TAF2: variants seen among roughly 807,000 people sequenced by gnomAD.
TAF2 encodes transcription initiation factor TFIID subunit 2.
A neutral mutation model predicts 138.5 loss-of-function variants in TAF2; 61 were observed. The observed-to-expected ratio is 0.44, with a 90% CI of 0.36 to 0.54. The LOEUF (loss-of-function observed/expected upper bound fraction) is 0.54. TAF2 is among the 20% of genes least tolerant of loss of function. TAF2 has a pLI of 0.00. For missense variants in TAF2, 1,090 were observed against 1,427.9 expected (o/e 0.76, Z 3.81); for synonymous variants, 475 against 469.9 (o/e 1.01, Z -0.14).
rs184918494 is a variant in TAF2, at chr8:119,799,512, C to T, written c.793-1666G>A. Among the ~76,000 whole-genome samples, 525 of 152,316 alleles carry T rather than the reference C, an allele frequency of 3.4e-3. 2 individuals are homozygous for T. Among genetic ancestry groups the T allele is most frequent in the Middle Eastern group, 0.024 (7 of 294 alleles). ...TCCTTTTTTATGGCTGCATAGTATT[C>T]CATGATGCATATGTGCCACATTTTC... On this transcript the variant is annotated intron_variant, in intron 6 of 25. Transcript: ENST00000378164.
intron 3 of TAF2, among the ~76,000 whole-genome samples, chr8:119,808,224 A>G (rs73705423): frequency 0.014 from 2,063 of 152,330 alleles, 47 homozygotes; most frequent in African/African-American, 0.046. Flanking sequence ...GACAATGAAC[A>G]CTGACATTCC....
chr8:119,783,260 C>T, intron 16 of TAF2, 121 bp downstream of exon 16: 1 of 1,256,256 alleles, frequency 8.0e-7, no homozygotes, highest in Non-Finnish European at 1.1e-6. Context: ...AGCACTTTGG[C>T]AAAAGCTTTC....
Position 119,778,129 on chromosome 8 carries a change from T to A in TAF2, c.2254A>T (p.Thr752Ser). 2.5e-6 allele frequency: 4 copies of A among 1,579,882 alleles called. No homozygotes were observed. Among genetic ancestry groups the A allele is most frequent in the Non-Finnish European group, 3.5e-6 (4 of 1,158,802 alleles). ...MSFQSYFLQKTMPVAMALLRD... is the reference protein window; with the variant it reads ...MSFQSYFLQKSMPVAMALLRD... ...AATAAAGCCATTGCAACTGGCATAG[T>A]CTACAAAAGAAAAAAAAGAACTTTT... Residue 752 changes from threonine (T) to serine (S), a missense_variant and splice_region_variant, in exon 18 of 26, where the codon ACT becomes TCT. By Grantham distance (58) the Thr-to-Ser change is moderately conservative. Transcript: ENST00000378164.
intron 8 of TAF2, 66 bp from the exon 9 acceptor site, chr8:119,795,697 G>T: frequency 4.4e-6 from 6 of 1,371,578 alleles, no homozygotes; most frequent in Non-Finnish European, 5.2e-6. Flanking sequence ...TGTCAAAGAG[G>T]ATAACGGAAT....
At chr8:119,732,252 G>A (rs1485149332) in intron 25 of TAF2, 66 bp from the exon 26 acceptor site, 2 of 1,459,326 alleles carry the variant, frequency 1.4e-6, no homozygotes, top group Non-Finnish European at 1.9e-6. Context: ...TAAAGAAAGA[G>A]GAAGCTGATG....
intron 3 of TAF2, among the ~76,000 whole-genome samples, chr8:119,810,633 A>C (rs1714324753): frequency 6.6e-6 from 1 of 152,182 alleles, no homozygotes. Flanking sequence ...AGTTGCTCCA[A>C]ATCCTTGTCA....
At chr8:119,772,853 C>T (rs1485343081) in intron 18 of TAF2, among the ~76,000 whole-genome samples, 1 of 151,546 alleles carries the variant, frequency 6.6e-6, no homozygotes, top group Non-Finnish European at 1.5e-5. Context: ...AGGAGAATCA[C>T]TTGAACCCAG....
intron 8 of TAF2, 24 bp downstream of exon 8, chr8:119,796,966 A>G: frequency 2.7e-6 from 4 of 1,461,012 alleles, no homozygotes; most frequent in Non-Finnish European, 3.8e-6. Flanking sequence ...TCTTCTCAGT[A>G]GTATGAACTT....
intron 9 of TAF2, among the ~76,000 whole-genome samples, chr8:119,794,746 A>T (rs1039689242): frequency 8.5e-5 from 13 of 152,212 alleles, no homozygotes; most frequent in Non-Finnish European, 1.9e-4. Flanking sequence ...TTTCTGAAAT[A>T]AAGAAGAGAC....
At chr8:119,822,239 A>G (rs1282556021) in intron 2 of TAF2, among the ~76,000 whole-genome samples, 2 of 150,186 alleles carry the variant, frequency 1.3e-5, no homozygotes, top group African/African-American at 4.9e-5. Context: ...CTTTTTTTTC[A>G]GAGACAGGGT....
intron 2 of TAF2, among the ~76,000 whole-genome samples, chr8:119,819,912 A>G (rs369645267): frequency 1.3e-5 from 2 of 152,334 alleles, no homozygotes; most frequent in East Asian, 1.9e-4. Context: ...GGGGTAAAAA[A>G]TTATACCACT....
chr8:119,788,938 A>G, intron 12 of TAF2, 34 bp from the exon 13 acceptor site: 1 of 1,323,882 alleles, frequency 7.6e-7, no homozygotes, highest in African/African-American at 1.4e-5. Context: ...TACATACTGA[A>G]ACGAATATGT....
intron 2 of TAF2, among the ~76,000 whole-genome samples, chr8:119,830,935 T>C (rs900739019): frequency 1.3e-5 from 2 of 152,096 alleles, no homozygotes; most frequent in African/African-American, 4.8e-5. Flanking sequence ...GAGAAAACTC[T>C]GACTCCATTA....
intron 18 of TAF2, among the ~76,000 whole-genome samples, chr8:119,764,767 CAT>C (rs1167821484): frequency 6.6e-6 from 1 of 151,976 alleles, no homozygotes; most frequent in African/African-American, 2.4e-5. Flanking sequence ...AAAAAAAAGA[CAT>C]AATGTATAAA....
chr8:119,757,956 C>A, intron 21 of TAF2, 117 bp downstream of exon 21: 1 of 872,810 alleles, frequency 1.1e-6, no homozygotes, highest in Non-Finnish European at 1.9e-6. Context: ...TGAATAAATG[C>A]AAAAGATATT....
At chr8:119,770,445 T>C (rs1024990800) in intron 18 of TAF2, among the ~76,000 whole-genome samples, 3 of 152,122 alleles carry the variant, frequency 2.0e-5, no homozygotes, top group African/African-American at 4.8e-5. Context: ...CTATTTTTCA[T>C]CTCTTTAAAG....
In TAF2 at chr8:119,832,601, A is replaced by AG. The variant is rs530326302; in HGVS notation, c.-38dup. On this transcript the variant is annotated 5_prime_UTR_variant, in exon 1 of 26. Transcript: ENST00000378164. ...GCGGAGCTTGGCTTCCCGGCTTCCTAGGGGGATACGGGGCATTACTAGTCT... is the reference window on the plus strand; with the variant it reads ...GCGGAGCTTGGCTTCCCGGCTTCCTAGGGGGGATACGGGGCATTACTAGTCT... The AG allele has an allele frequency of 1.3e-6, 2 of 1,594,420 alleles. No individual in the cohort carries two copies. Among genetic ancestry groups the AG allele is most frequent in the South Asian group, 1.1e-5 (1 of 90,690 alleles).
chr8:119,758,279 G>C, intron 20 of TAF2, 137 bp from the exon 21 acceptor site: 1 of 713,758 alleles, frequency 1.4e-6, no homozygotes, highest in Non-Finnish European at 2.3e-6. Context: ...GAAGGTTATA[G>C]GTAAGCTCTT....
At chr8:119,823,008 C>T (rs1825883718) in intron 2 of TAF2, among the ~76,000 whole-genome samples, 1 of 152,156 alleles carries the variant, frequency 6.6e-6, no homozygotes, top group African/African-American at 2.4e-5. Flanking sequence ...AATGATATAT[C>T]CAATGGTCCT....
Sources: gnomAD v4.1 joint callset for allele counts (sites outside exome capture counted in the v4.1 genomes callset) on GRCh38, gnomAD v4.1.1 for gene constraint, MANE v1.5 for transcripts, NCBI Gene and HGNC (gene_info 2026-07-23, HGNC 2026-07-21) for gene names.